DYM: variants seen among roughly 807,000 people sequenced by gnomAD.
DYM encodes dyggve-Melchior-Clausen syndrome protein.
Under a neutral mutation model 93.1 loss-of-function variants are expected in DYM, and 78 were observed. That is an observed-to-expected ratio of 0.84 (90% CI 0.70 to 1.01). The LOEUF is 1.01. DYM is among the 50% of genes least tolerant of loss of function. The probability of loss-of-function intolerance (pLI) is 0.00; values close to 1 mark genes in which losing one functional copy is unlikely to be tolerated. For synonymous variants in DYM, 321 were observed against 319.7 expected (o/e 1.00, Z -0.04); for missense variants, 789 against 845.0 (o/e 0.93, Z 0.82).
At chr18:49,202,162 G>T (rs1046805445) in intron 14 of DYM, among the ~76,000 whole-genome samples, 1 of 152,236 alleles carries the variant, frequency 6.6e-6, no homozygotes, top group Admixed American at 6.5e-5. Flanking sequence ...AAAGGGATGT[G>T]TGATGCCCTT....
chr18:49,241,311 TCTAC>T (rs2094002100), intron 13 of DYM, among the ~76,000 whole-genome samples: 4 of 152,228 alleles, frequency 2.6e-5, no homozygotes, highest in Non-Finnish European at 5.9e-5. Flanking sequence ...AAAGAACATT[TCTAC>T]GCTAGGGTCA....
intron 14 of DYM, among the ~76,000 whole-genome samples, chr18:49,202,936 C>G (rs1160005893): frequency 7.4e-6 from 1 of 135,556 alleles, no homozygotes; most frequent in Admixed American, 7.3e-5. Flanking sequence ...GCCAGCCGCC[C>G]CATCCGGGAG....
chr18:49,392,701 A>G (rs2069421406), intron 2 of DYM, among the ~76,000 whole-genome samples: 1 of 147,170 alleles, frequency 6.8e-6, no homozygotes, highest in Non-Finnish European at 1.5e-5. Context: ...AAAAAAAAAA[A>G]AAAAAAAAAG....
At chr18:49,172,764 G>C (rs995183503) in intron 14 of DYM, among the ~76,000 whole-genome samples, 1 of 152,038 alleles carries the variant, frequency 6.6e-6, no homozygotes, top group Admixed American at 6.5e-5. Flanking sequence ...CTTTTGAAGA[G>C]CAAAAATTTT....
intron 13 of DYM, among the ~76,000 whole-genome samples, chr18:49,256,083 CAAAAA>C (rs11337971): frequency 1.2e-5 from 1 of 85,922 alleles, no homozygotes; most frequent in Admixed American, 1.3e-4. Context: ...GACTCCATCT[CAAAAA>C]AAAAAAAAAA....
intron 5 of DYM, chr18:49,375,772 G>C (rs2067452397): frequency 6.6e-6 from 1 of 152,138 alleles, no homozygotes; most frequent in African/African-American, 2.4e-5. Context: ...CAGTGGACTG[G>C]GAGAGGCATA....
chr18:49,303,167 G>T (rs1483720561), intron 8 of DYM, among the ~76,000 whole-genome samples: 1 of 152,162 alleles, frequency 6.6e-6, no homozygotes, highest in African/African-American at 2.4e-5. Context: ...TCTGCCATCT[G>T]TTCATCTTGG....
chr18:49,297,375 T>G (rs541528766), intron 8 of DYM, among the ~76,000 whole-genome samples: 4 of 152,150 alleles, frequency 2.6e-5, no homozygotes, highest in Non-Finnish European at 5.9e-5. Flanking sequence ...AAGACTAACC[T>G]AGCGTATTAG....
chr18:49,135,313 T>C (rs747498229), intron 15 of DYM, among the ~76,000 whole-genome samples: 1 of 152,146 alleles, frequency 6.6e-6, no homozygotes, highest in Non-Finnish European at 1.5e-5. Context: ...GACTCCCCAG[T>C]TGTATGAAAA....
At chr18:49,335,069 T>C (rs992057701) in intron 6 of DYM, among the ~76,000 whole-genome samples, 2 of 152,076 alleles carry the variant, frequency 1.3e-5, no homozygotes, top group African/African-American at 4.8e-5. Context: ...ATCGTGCCAT[T>C]GCACTCCAGC....
At chr18:49,138,611 T>C (rs2084107507) in intron 15 of DYM, among the ~76,000 whole-genome samples, 1 of 152,146 alleles carries the variant, frequency 6.6e-6, no homozygotes, top group Non-Finnish European at 1.5e-5. Context: ...TAATCAGTTC[T>C]CCCAATAGCT....
chr18:49,395,160 G>C (rs1405192034), intron 2 of DYM, among the ~76,000 whole-genome samples: 1 of 152,060 alleles, frequency 6.6e-6, no homozygotes, highest in African/African-American at 2.4e-5. Context: ...AAACTAAAAA[G>C]CTTCTGCACA....
chr18:49,433,417 A>C (rs1014884467), intron 1 of DYM, among the ~76,000 whole-genome samples: 2 of 152,224 alleles, frequency 1.3e-5, no homozygotes, highest in East Asian at 3.8e-4. Flanking sequence ...ATAAATACTA[A>C]ATATTTAACC....
chr18:49,272,603 T>C (rs1288967343), intron 10 of DYM, among the ~76,000 whole-genome samples: 2 of 152,158 alleles, frequency 1.3e-5, no homozygotes, highest in Admixed American at 6.6e-5. Flanking sequence ...AGAAGTCACA[T>C]TGCCTTCTCC....
chr18:49,294,571 A>T (rs775782194), intron 8 of DYM, among the ~76,000 whole-genome samples: 2 of 152,208 alleles, frequency 1.3e-5, no homozygotes, highest in Non-Finnish European at 1.5e-5. Context: ...AAATGTGAAG[A>T]GGACATAAAG....
chr18:49,191,978 C>T (rs970577825), intron 14 of DYM, among the ~76,000 whole-genome samples: 1 of 152,054 alleles, frequency 6.6e-6, no homozygotes, highest in African/African-American at 2.4e-5. Flanking sequence ...ACTATGTCAC[C>T]CAGGCTGGAG....
At chr18:49,121,787 C>T (rs1440161674) in intron 15 of DYM, among the ~76,000 whole-genome samples, 1 of 152,148 alleles carries the variant, frequency 6.6e-6, no homozygotes, top group Non-Finnish European at 1.5e-5. Flanking sequence ...CATTAAAGCA[C>T]TGAAATAACA....
intron 11 of DYM, among the ~76,000 whole-genome samples, chr18:49,265,125 TA>T (rs2094548933): frequency 6.6e-6 from 1 of 152,186 alleles, no homozygotes; most frequent in Non-Finnish European, 1.5e-5. Flanking sequence ...ATATGTGCTA[TA>T]AATCGCAGGC....
intron 16 of DYM, 111 bp from the exon 17 acceptor site, chr18:49,097,626 C>G (rs2079672251): frequency 9.9e-7 from 1 of 1,010,314 alleles, no homozygotes. Context: ...CTACAGTGAC[C>G]CGGCTTTTAA....
Sources: gnomAD v4.1 joint callset for allele counts (sites outside exome capture counted in the v4.1 genomes callset) on GRCh38, gnomAD v4.1.1 for gene constraint, MANE v1.5 for transcripts, NCBI Gene and HGNC (gene_info 2026-07-23, HGNC 2026-07-21) for gene names.